The following SLC48A1 variants were observed in gnomAD, a reference collection of about 807,000 sequenced individuals.
The protein encoded by SLC48A1 is solute carrier family 48 member 1, also known as heme transporter HRG1.
In SLC48A1, 6 loss-of-function variants were observed where a neutral mutation model predicts 14.8. That is an observed-to-expected ratio of 0.41 (90% CI 0.22 to 0.80). SLC48A1 has a LOEUF of 0.80. Ranked by LOEUF, SLC48A1 falls within the 30% of genes least tolerant of loss-of-function variation. The pLI is 0.34. For synonymous variants in SLC48A1, 89 were observed against 90.0 expected (o/e 0.99, Z 0.06); for missense variants, 165 against 204.8 (o/e 0.81, Z 1.19).
At chr12:47,759,047 C>T (rs1942274773) in intron 1 of SLC48A1, 7 of 988,088 alleles carry the variant, frequency 7.1e-6, no homozygotes, top group Non-Finnish European at 3.6e-6. Flanking sequence ...CCCGGGGGTA[C>T]CAGAGTGGAC....
intron 2 of SLC48A1, among the ~76,000 whole-genome samples, chr12:47,766,472 C>G (rs538137017): frequency 1.9e-3 from 288 of 152,320 alleles, no homozygotes; most frequent in Non-Finnish European, 1.8e-3. Context: ...CCACCCCGCC[C>G]TCCCCATCCA....
chr12:47,758,237 A>T, upstream of SLC48A1: 1 of 1,434,108 alleles, frequency 7.0e-7, no homozygotes, highest in East Asian at 2.5e-5. Flanking sequence ...GAACAGGAAG[A>T]CCTTCACTGG....
chr12:47,779,062 G>T lies in SLC48A1; in HGVS notation c.171G>T (p.Val57=), dbSNP rs1457052903. ...CACTGTGGGTCCTGGTGACGCACGT[G>T]ATGTACATGCAAGATTATTGGAGGA... ...VLALWVLVTH[V]MYMQDYWRTW... Residue 57 remains valine (V), a synonymous_variant, in exon 2 of 3, where the codon GTG becomes GTT. Coordinates refer to ENST00000442218, the MANE Select transcript of SLC48A1 (RefSeq NM_017842.3). The T allele has an allele frequency of 3.2e-6, 5 of 1,551,708 alleles. No homozygotes were observed. Among genetic ancestry groups the T allele is most frequent in the Non-Finnish European group, 3.5e-6 (4 of 1,147,034 alleles).
chr12:47,758,421 C>T (rs144542618), upstream of SLC48A1: 17 of 1,542,218 alleles, frequency 1.1e-5, no homozygotes, highest in African/African-American at 1.4e-5. Flanking sequence ...AATGCAGCTT[C>T]GGCTTAAACC....
chr12:47,762,199 G>A (rs543383974), intron 2 of SLC48A1, among the ~76,000 whole-genome samples: 2 of 152,220 alleles, frequency 1.3e-5, no homozygotes, highest in Admixed American at 1.3e-4. Context: ...GGTGGCAGCG[G>A]CTCCCATGGA....
chr12:47,773,474 G>T, intron 1 of SLC48A1, 34 bp downstream of exon 1: 1 of 1,299,744 alleles, frequency 7.7e-7, no homozygotes, highest in Non-Finnish European at 9.8e-7. Flanking sequence ...CGGGGCGGGT[G>T]CGCGGCTGCG....
chr12:47,780,568 CT>C lies in SLC48A1; in HGVS notation c.*303del, dbSNP rs60379857. On this transcript the variant is annotated 3_prime_UTR_variant, in exon 3 of 3. Coordinates refer to ENST00000442218, the MANE Select transcript of SLC48A1 (RefSeq NM_017842.3). Reference sequence around the variant, plus strand: ...GTTTTCTTTTCTTTCTTTTTTTTTTCTTTTTTTTTTTTTTTTGAGATGGAGT... The same window carrying C: ...GTTTTCTTTTCTTTCTTTTTTTTTTCTTTTTTTTTTTTTTTGAGATGGAGT... The C allele has an allele frequency of 0.07, 27,258 of 387,262 alleles. 1 individual carries two copies. Among genetic ancestry groups the C allele is most frequent in the Admixed American group, 0.088 (2,700 of 30,760 alleles). The allele number at this position is 387,262 out of a possible 1,614,324, so 24.0% of individuals were successfully genotyped here.
chr12:47,778,936 T>A, intron 1 of SLC48A1, 92 bp from the exon 2 acceptor site: 1 of 1,345,110 alleles, frequency 7.4e-7, no homozygotes, highest in Non-Finnish European at 9.9e-7. Context: ...AAGACCATAT[T>A]CTTGGTATTC....
upstream of SLC48A1, chr12:47,771,131 G>GT (rs534094578): frequency 2.1e-3 from 595 of 288,238 alleles, no homozygotes; most frequent in Non-Finnish European, 2.9e-3. Flanking sequence ...GTGGGGCTGG[G>GT]TTTATTTTTT....
At chr12:47,757,847 G>T, upstream of SLC48A1, 1 of 1,543,336 alleles carries the variant, frequency 6.5e-7, no homozygotes, top group Non-Finnish European at 8.8e-7. Flanking sequence ...TGGCACCTGG[G>T]CAGGTGAAAG....
chr12:47,755,983 C>A (rs1942029272), upstream of SLC48A1: 1 of 152,212 alleles, frequency 6.6e-6, no homozygotes, highest in South Asian at 2.1e-4. Flanking sequence ...ACCTCCCCAC[C>A]CCAGTCCCCA....
chr12:47,773,216 G>GGCTCCCGCGGCTCCGGCT, upstream of SLC48A1: 2 of 1,076,354 alleles, frequency 1.9e-6, no homozygotes, highest in South Asian at 8.6e-5. Flanking sequence ...CTGCTCTGGC[G>GGCTCCCGCGGCTCCGGCT]GCTCCCGCGG....
At chr12:47,759,185 G>A in intron 1 of SLC48A1, 1 of 842,002 alleles carries the variant, frequency 1.2e-6, no homozygotes, top group Non-Finnish European at 1.4e-6. Context: ...TGGCCGGGAG[G>A]AGAAATGCAA....
intron 2 of SLC48A1, among the ~76,000 whole-genome samples, chr12:47,762,733 G>A (rs898220478): frequency 6.6e-6 from 1 of 152,202 alleles, no homozygotes; most frequent in Non-Finnish European, 1.5e-5. Flanking sequence ...GCCAGACTCA[G>A]GCAGTCTAAC....
intron 2 of SLC48A1, among the ~76,000 whole-genome samples, chr12:47,764,599 G>C (rs540570771): frequency 1.3e-4 from 20 of 152,330 alleles, no homozygotes; most frequent in African/African-American, 4.6e-4. Flanking sequence ...ACTGGCTGGG[G>C]CAGGGGGAGG....
chr12:47,760,271 C>G (rs1342049451), exon 2 of SLC48A1: 6 of 985,288 alleles, frequency 6.1e-6, no homozygotes, highest in Non-Finnish European at 7.2e-6. Flanking sequence ...AATGCCTCTC[C>G]GGGGAAGGAG....
upstream of SLC48A1, chr12:47,758,302 G>C: frequency 7.0e-7 from 1 of 1,432,902 alleles, no homozygotes; most frequent in Non-Finnish European, 9.1e-7. Flanking sequence ...GAAAAGATCA[G>C]GCCCTTCTTA....
chr12:47,774,784 A>C (rs564525640), intron 1 of SLC48A1, among the ~76,000 whole-genome samples: 33 of 151,780 alleles, frequency 2.2e-4, no homozygotes, highest in African/African-American at 7.5e-4. Context: ...CTGCCTCACC[A>C]CCTGTGGGAT....
At chr12:47,759,354 G>A (rs1942294387) in intron 1 of SLC48A1, among the ~76,000 whole-genome samples, 1 of 147,824 alleles carries the variant, frequency 6.8e-6, no homozygotes, top group Non-Finnish European at 1.5e-5. Flanking sequence ...CTTTCCCGCG[G>A]GGAATCCCGC....
Sources: allele counts gnomAD v4.1 joint callset (sites outside exome capture counted in the v4.1 genomes callset), GRCh38; gene constraint gnomAD v4.1.1; transcripts MANE v1.5; gene names NCBI Gene and HGNC (gene_info 2026-07-23, HGNC 2026-07-21).